The following ZSWIM6 variants were observed in gnomAD, a reference collection of about 807,000 sequenced individuals.
ZSWIM6 encodes zinc finger SWIM domain-containing protein 6.
Under a neutral mutation model 113.2 loss-of-function variants are expected in ZSWIM6, and 9 were observed. That is an observed-to-expected ratio of 0.08 (90% confidence interval 0.05 to 0.14). The LOEUF is 0.14. ZSWIM6 is among the 10% of genes least tolerant of loss of function. The pLI, the probability that ZSWIM6 is intolerant of heterozygous loss-of-function variation, is 1.00. For synonymous variants in ZSWIM6, 611 were observed against 606.5 expected, an observed-to-expected ratio of 1.01 and a Z score of -0.11; for missense variants, 1,162 against 1,552.2, an observed-to-expected ratio of 0.75 and a Z score of 4.22.
At chr5:61,460,258 G>A (rs1747295483) in intron 1 of ZSWIM6, among the ~76,000 whole-genome samples, 1 of 152,078 alleles carries the variant, frequency 6.6e-6, no homozygotes, top group Non-Finnish European at 1.5e-5. Flanking sequence ...TCTAAACTCA[G>A]TTGAGCCCAT....
intron 1 of ZSWIM6, among the ~76,000 whole-genome samples, chr5:61,403,373 A>G (rs1178567621): frequency 6.6e-6 from 1 of 152,244 alleles, no homozygotes; most frequent in Non-Finnish European, 1.5e-5. Flanking sequence ...ATTAAAATGT[A>G]AAAAATGGCC....
chr5:61,530,304 C>T (rs1322730573), intron 8 of ZSWIM6, 106 bp downstream of exon 8: 3 of 1,189,452 alleles, frequency 2.5e-6, no homozygotes, highest in African/African-American at 3.1e-5. Context: ...ATGTAGTTAA[C>T]AGCACCTTTG....
chr5:61,493,336 C>T (rs1437680825), intron 3 of ZSWIM6, among the ~76,000 whole-genome samples: 1 of 152,084 alleles, frequency 6.6e-6, no homozygotes, highest in East Asian at 1.9e-4. Context: ...TATGCAATTA[C>T]TAATTTATCT....
intron 5 of ZSWIM6, among the ~76,000 whole-genome samples, chr5:61,523,256 A>C (rs1463839523): frequency 6.6e-6 from 1 of 152,174 alleles, no homozygotes; most frequent in East Asian, 1.9e-4. Flanking sequence ...CAGCTGTGCC[A>C]TTGCAGCTGG....
intron 2 of ZSWIM6, among the ~76,000 whole-genome samples, chr5:61,473,608 CA>C (rs1747633480): frequency 6.6e-6 from 1 of 151,998 alleles, no homozygotes; most frequent in Non-Finnish European, 1.5e-5. Context: ...TTATTTTATG[CA>C]GTGCAAATAT....
intron 1 of ZSWIM6, among the ~76,000 whole-genome samples, chr5:61,427,973 C>T (rs2112132057): frequency 6.6e-6 from 1 of 151,854 alleles, no homozygotes; most frequent in South Asian, 2.1e-4. Flanking sequence ...TAGGTACCAC[C>T]TCTTCCATAT....
intron 1 of ZSWIM6, among the ~76,000 whole-genome samples, chr5:61,378,359 GA>G (rs1451535499): frequency 6.6e-6 from 1 of 152,110 alleles, no homozygotes; most frequent in Non-Finnish European, 1.5e-5. Flanking sequence ...ATTAAATGGG[GA>G]AAAAAGTAAA....
At chr5:61,359,274 A>G (rs1744982781) in intron 1 of ZSWIM6, among the ~76,000 whole-genome samples, 1 of 152,032 alleles carries the variant, frequency 6.6e-6, no homozygotes, top group South Asian at 2.1e-4. Context: ...CAAATAGGAG[A>G]CAGGTATAGT....
chr5:61,428,144 GC>G, intron 1 of ZSWIM6, among the ~76,000 whole-genome samples: 1 of 152,198 alleles, frequency 6.6e-6, no homozygotes, highest in Non-Finnish European at 1.5e-5. Flanking sequence ...ACACAAGGGA[GC>G]TCTAATTTAT....
chr5:61,353,192 TTTGGGATGAGGA>T (rs1334880459), intron 1 of ZSWIM6, among the ~76,000 whole-genome samples: 1 of 152,168 alleles, frequency 6.6e-6, no homozygotes, highest in Non-Finnish European at 1.5e-5. Flanking sequence ...CAGTGTCTTG[TTTGGGATGAGGA>T]TTGGGATGAG....
chr5:61,529,301 T>A (rs1749368779), intron 7 of ZSWIM6, among the ~76,000 whole-genome samples: 1 of 152,248 alleles, frequency 6.6e-6, no homozygotes, highest in Non-Finnish European at 1.5e-5. Flanking sequence ...GAATATATCT[T>A]AAACATAGCT....
chr5:61,396,068 G>A (rs1182772707), intron 1 of ZSWIM6, among the ~76,000 whole-genome samples: 1 of 152,156 alleles, frequency 6.6e-6, no homozygotes, highest in African/African-American at 2.4e-5. Context: ...GGAGGCAGAC[G>A]TGATCTTGGG....
In ZSWIM6 at chr5:61,473,130, A is replaced by C. The variant is rs563984846; in HGVS notation, c.1033+93A>C. 2.6e-5 allele frequency: 21 copies of C among 815,712 alleles called. No individual in the cohort carries two copies. The Middle Eastern group carries it at 9.2e-4, about 36-fold the overall frequency. The allele number at this position is 815,712 out of a possible 1,614,324, so 50.5% of individuals were successfully genotyped here. On this transcript the variant is annotated intron_variant, in intron 2 of 13. Coordinates refer to ENST00000252744, the MANE Select transcript of ZSWIM6 (RefSeq NM_020928.2). ...CTGCATAAAAGTGAATTAAATGTGA[A>C]ATAGATCATCAGCATTGCTCTTAGT...
intron 2 of ZSWIM6, among the ~76,000 whole-genome samples, chr5:61,482,398 T>C (rs557599904): frequency 6.6e-6 from 1 of 152,278 alleles, no homozygotes. Context: ...ACACCTAATG[T>C]AGATGACGGG....
chr5:61,387,914 G>C (rs879493973), intron 1 of ZSWIM6, among the ~76,000 whole-genome samples: 1 of 149,114 alleles, frequency 6.7e-6, no homozygotes, highest in Non-Finnish European at 1.5e-5. Context: ...CCCTCTTTGA[G>C]GGGGGGAGAA....
chr5:61,354,302 C>G (rs1031116628), intron 1 of ZSWIM6, among the ~76,000 whole-genome samples: 31 of 152,162 alleles, frequency 2.0e-4, no homozygotes, highest in African/African-American at 6.8e-4. Flanking sequence ...ATAATTTTAG[C>G]ACTTTAACTT....
chr5:61,450,601 A>G (rs1747065950), intron 1 of ZSWIM6, among the ~76,000 whole-genome samples: 1 of 152,136 alleles, frequency 6.6e-6, no homozygotes, highest in African/African-American at 2.4e-5. Context: ...TTTTTTTTAA[A>G]TCATTTCCTG....
chr5:61,353,313 A>ATT (rs1248392557), intron 1 of ZSWIM6, among the ~76,000 whole-genome samples: 2 of 152,152 alleles, frequency 1.3e-5, no homozygotes, highest in African/African-American at 2.4e-5. Context: ...TACAAGCATG[A>ATT]TTTCTAGCTC....
intron 2 of ZSWIM6, among the ~76,000 whole-genome samples, chr5:61,480,107 A>G (rs1052523140): frequency 1.3e-5 from 2 of 152,178 alleles, no homozygotes; most frequent in African/African-American, 4.8e-5. Context: ...AAGTAATGGA[A>G]AATAACTTAC....
Sources: gnomAD v4.1 joint callset for allele counts (sites outside exome capture counted in the v4.1 genomes callset) on GRCh38, gnomAD v4.1.1 for gene constraint, MANE v1.5 for transcripts, NCBI Gene and HGNC (gene_info 2026-07-23, HGNC 2026-07-21) for gene names.